Variants in RBBP8 observed in about 807,000 individuals in gnomAD.
RBBP8 encodes RB binding protein 8, endonuclease.
Under a neutral mutation model 108.3 loss-of-function variants are expected in RBBP8, and 88 were observed. The ratio of observed to expected loss-of-function variants is 0.81; its 90% confidence interval spans 0.68 to 0.97. The LOEUF (loss-of-function observed/expected upper bound fraction) is 0.97, where lower values mean the gene tolerates loss of function less well. RBBP8 is among the 50% of genes least tolerant of loss of function. The pLI is 0.00. For synonymous variants in RBBP8, 332 were observed against 348.2 expected (o/e 0.95, Z 0.52); for missense variants, 1,023 against 1,049.0 (o/e 0.98, Z 0.34).
At chr18:22,961,005 A>G (rs1318474528) in intron 4 of RBBP8, among the ~76,000 whole-genome samples, 2 of 152,208 alleles carry the variant, frequency 1.3e-5, no homozygotes, top group African/African-American at 4.8e-5. Context: ...ATTTTTCGTC[A>G]GTGACATGAT....
intron 12 of RBBP8, among the ~76,000 whole-genome samples, 167 bp downstream of exon 12, chr18:22,994,014 CTTTTTTTTTTTTTTTT>C (rs777055614): frequency 1.3e-5 from 1 of 75,104 alleles, no homozygotes; most frequent in African/African-American, 5.6e-5. Context: ...TTTTTCTGTT[CTTTTTTTTTTTTTTTT>C]TTTTTTTTGA....
intron 2 of RBBP8, among the ~76,000 whole-genome samples, chr18:22,940,698 G>A (rs1053670651): frequency 1.3e-5 from 2 of 152,026 alleles, no homozygotes; most frequent in African/African-American, 4.8e-5. Flanking sequence ...CCAGGCTTGA[G>A]TGCAGTGGCA....
chr18:22,951,672 C>A (rs1251566600), intron 4 of RBBP8, among the ~76,000 whole-genome samples: 1 of 152,218 alleles, frequency 6.6e-6, no homozygotes, highest in Non-Finnish European at 1.5e-5. Flanking sequence ...TGTGTCCTTC[C>A]CTCAATTCTG....
intron 2 of RBBP8, among the ~76,000 whole-genome samples, chr18:22,937,301 A>G (rs1910659574): frequency 1.3e-5 from 2 of 152,156 alleles, no homozygotes; most frequent in South Asian, 4.2e-4. Context: ...ATAAATGAGA[A>G]CATGCAGTAT....
At chr18:22,922,512 G>A (rs1365999427) in intron 3 of RBBP8, among the ~76,000 whole-genome samples, 1 of 151,980 alleles carries the variant, frequency 6.6e-6, no homozygotes, top group African/African-American at 2.4e-5. Context: ...ACCCAGGCTG[G>A]AGTGAGGTGG....
Position 22,992,896 on chromosome 18 carries a change from A to T in RBBP8, c.1069A>T (p.Lys357Ter). The T allele has an allele frequency of 6.2e-7, 1 of 1,614,050 alleles. No homozygotes were observed. Reference protein sequence around the residue: ...SPSLLQPGKKKHLKTLPFSNT... With the variant: ...SPSLLQPGKK ...TTCTCTTTTACAGCCTGGGAAAAAA[A>T]AACATCTGAAAACACTCCCTTTTAG... The change falls in exon 11 of 19, where the codon AAA becomes TAA. Residue 357 changes from lysine (K) to a stop codon, truncating the protein, a stop_gained. Coordinates refer to ENST00000327155, the MANE Select transcript of RBBP8 (RefSeq NM_002894.3). LOFTEE classifies it high-confidence loss of function.
intron 15 of RBBP8, among the ~76,000 whole-genome samples, chr18:23,002,738 C>G (rs62095234): frequency 0.16 from 25,017 of 152,040 alleles, 2,668 homozygotes; most frequent in African/African-American, 0.31. Context: ...TCTACTGTGG[C>G]ACAATCTTGA....
At chr18:22,924,704 T>G (rs548423082) in intron 3 of RBBP8, among the ~76,000 whole-genome samples, 4 of 152,184 alleles carry the variant, frequency 2.6e-5, no homozygotes, top group Non-Finnish European at 4.4e-5. Flanking sequence ...AGTACAGGCA[T>G]GAGCCACTGC....
chr18:22,970,127 C>T (rs537203288), intron 5 of RBBP8, among the ~76,000 whole-genome samples: 2 of 152,294 alleles, frequency 1.3e-5, no homozygotes, highest in African/African-American at 4.8e-5. Flanking sequence ...GCAGTCTCTA[C>T]GCATCACTTC....
At chr18:22,992,510 G>A (rs905734112) in intron 10 of RBBP8, among the ~76,000 whole-genome samples, 4 of 152,056 alleles carry the variant, frequency 2.6e-5, no homozygotes, top group Non-Finnish European at 4.4e-5. Flanking sequence ...ATGATTTTTT[G>A]TATAATAAAG....
intron 10 of RBBP8, 130 bp downstream of exon 10, chr18:22,991,179 T>G (rs987823337): frequency 7.4e-5 from 55 of 743,410 alleles, no homozygotes; most frequent in Middle Eastern, 3.3e-4. Flanking sequence ...AATGTTTACT[T>G]TAAAAATTGT....
Position 22,993,360 on chromosome 18 carries a change from T to C in RBBP8, c.1533T>C (p.Thr511=). The C allele has an allele frequency of 6.2e-7, 1 of 1,614,254 alleles. No individual in the cohort carries two copies. The highest frequency in any genetic ancestry group is 8.5e-7 in the Non-Finnish European group (1 of 1,180,046). ...QRQEKSQGSE[T]SKNKFRQVTL... The stretch of plus-strand genomic sequence containing the variant: ...AAGAGAAAAGCCAAGGAAGTGAGAC[T>C]TCTAAAAACAAATTTAGGCAAGTGA... Residue 511 remains threonine (T), a synonymous_variant, in exon 11 of 19, where the codon ACT becomes ACC. Coordinates refer to ENST00000327155, the MANE Select transcript of RBBP8 (RefSeq NM_002894.3).
intron 3 of RBBP8, among the ~76,000 whole-genome samples, chr18:22,928,230 G>A (rs887453503): frequency 1.3e-5 from 2 of 150,900 alleles, no homozygotes; most frequent in Admixed American, 1.3e-4. Flanking sequence ...GAAAACAGAA[G>A]AATAAAGAAA....
At chr18:23,019,761 A>AT (rs35352558) in intron 17 of RBBP8, among the ~76,000 whole-genome samples, 79,004 of 131,720 alleles carry the variant, frequency 0.6, 25,557 homozygotes, top group Middle Eastern at 0.82. Flanking sequence ...ACATTTTATA[A>AT]TTTTTTTTTT....
chr18:22,918,794 G>T (rs1448858986), intron 3 of RBBP8, among the ~76,000 whole-genome samples: 4 of 152,016 alleles, frequency 2.6e-5, no homozygotes, highest in Non-Finnish European at 5.9e-5. Context: ...AAAATTTTTT[G>T]TAGAGATGTG....
chr18:22,923,058 A>T (rs1435077946), intron 3 of RBBP8, among the ~76,000 whole-genome samples: 2 of 152,194 alleles, frequency 1.3e-5, no homozygotes, highest in Non-Finnish European at 2.9e-5. Context: ...AACTTTAGCC[A>T]TTGAAGAGAT....
chr18:22,914,974 A>C (rs1000259914), intron 1 of RBBP8, among the ~76,000 whole-genome samples: 2 of 152,132 alleles, frequency 1.3e-5, no homozygotes, highest in African/African-American at 4.8e-5. Context: ...TCTTCCTTTT[A>C]TCTCTCTCTT....
chr18:22,992,658 T>C, intron 10 of RBBP8, 90 bp from the exon 11 acceptor site: 1 of 1,132,606 alleles, frequency 8.8e-7, no homozygotes. Context: ...GTACCTTGTC[T>C]TAAATTTTGG....
At position 22,984,915 on chromosome 18, in the gene RBBP8, C is replaced by A; in HGVS notation, c.634C>A (p.His212Asn). ...EMRKVSKSSTHPQHNPNENEI... is the reference protein window; with the variant it reads ...EMRKVSKSSTNPQHNPNENEI... ...GAGAAAAGTTTCCAAGTCTTCAACT[C>A]ATCCACAACATAATCCTAATGAAAA... The change falls in exon 8 of 19, where the codon CAT becomes AAT. Residue 212 changes from histidine (H) to asparagine (N), a missense_variant. By Grantham distance (68) the His-to-Asn change is moderately conservative (BLOSUM62 1). Transcript: ENST00000327155. 1.2e-6 allele frequency: 2 copies of A among 1,609,070 alleles called. No homozygotes were observed. Among genetic ancestry groups the A allele is most frequent in the Non-Finnish European group, 1.7e-6 (2 of 1,176,396 alleles).
Sources: gnomAD v4.1 joint callset for allele counts (sites outside exome capture counted in the v4.1 genomes callset) on GRCh38, gnomAD v4.1.1 for gene constraint, MANE v1.5 for transcripts, NCBI Gene and HGNC (gene_info 2026-07-23, HGNC 2026-07-21) for gene names.